The following HSPA6 variants were observed in gnomAD, a reference collection of about 807,000 sequenced individuals.
HSPA6 encodes heat shock 70 kDa protein 6.
For synonymous variants in HSPA6, 312 were observed against 368.2 expected (o/e 0.85, Z 1.75); for missense variants, 718 against 860.9 (o/e 0.83, Z 2.08).
Position 161,526,567 on chromosome 1 carries a change from C to T in HSPA6, c.1909C>T (p.Pro637Ser), listed in dbSNP as rs1676708629. 6.4e-7 allele frequency: 1 copy of T among 1,553,110 alleles called. No individual in the cohort carries two copies. The highest frequency in any genetic ancestry group is 1.4e-5 in the African/African-American group (1 of 72,908). The change falls in exon 1 of 1, where the codon CCC becomes TCC. Residue 637 changes from proline to serine, a missense_variant. Pro to Ser is a moderately conservative substitution (Grantham distance 74, BLOSUM62 -1). Coordinates refer to ENST00000309758, the MANE Select transcript of HSPA6 (RefSeq NM_002155.5). ...QARQGDPSTG[P>S]IIEEVD ...CCGCCAGGGGGACCCCAGCACCGGC[C>T]CCATCATTGAGGAGGTTGATTGAAT...
Position 161,525,105 on chromosome 1 carries a change from C to T in HSPA6, c.447C>T (p.Pro149=), listed in dbSNP as rs1320440689. The T allele has an allele frequency of 2.5e-6, 4 of 1,613,712 alleles. No individual in the cohort carries two copies. The highest frequency in any genetic ancestry group is 2.2e-5 in the South Asian group (2 of 91,036). Reference sequence around the variant, plus strand: ...TGAAGCACGCAGTGATCACCGTGCCCGCCTATTTCAATGACTCGCAGCGCC... The same window carrying T: ...TGAAGCACGCAGTGATCACCGTGCCTGCCTATTTCAATGACTCGCAGCGCC... The part of the protein sequence containing the change: ...QPVKHAVITV[P]AYFNDSQRQA... Residue 149 remains proline (P), a synonymous_variant, in exon 1 of 1, where the codon CCC becomes CCT. Transcript: ENST00000309758.
rs1325958650 is a variant in HSPA6, at chr1:161,525,035, T to C, written c.377T>C (p.Leu126Pro). 1.1e-5 allele frequency: 17 copies of C among 1,612,850 alleles called. 1 individual carries two copies. Among genetic ancestry groups the C allele is most frequent in the Non-Finnish European group, 1.4e-5 (17 of 1,179,762 alleles). The change falls in exon 1 of 1, where the codon CTG (leucine) becomes CCG (proline). Residue 126 changes from leucine to proline, a missense_variant. Leu to Pro is a moderately conservative substitution (Grantham distance 98). Coordinates refer to ENST00000309758, the MANE Select transcript of HSPA6 (RefSeq NM_002155.5). ...FYPEEISSMV[L>P]SKMKETAEAY... is the part of the protein sequence containing the mutation. ...CCCGAGGAGATCTCGTCCATGGTGC[T>C]GAGCAAGATGAAGGAGACGGCCGAG...
At position 161,525,217 on chromosome 1, in the gene HSPA6, C is replaced by T. The variant is rs1676644655; in HGVS notation, c.559C>T (p.Leu187=). 2 of 1,613,924 alleles carry T rather than the reference C, an allele frequency of 1.2e-6. No homozygotes were observed. Among genetic ancestry groups the T allele is most frequent in the African/African-American group, 2.7e-5 (2 of 74,918 alleles). Reference sequence around the variant, plus strand: ...CACGGCAGCTGCCATCGCCTATGGGCTGGACCGGCGGGGCGCGGGAGAGCG... The same window carrying T: ...CACGGCAGCTGCCATCGCCTATGGGTTGGACCGGCGGGGCGCGGGAGAGCG... ...EPTAAAIAYG[L]DRRGAGERNV... Residue 187 remains leucine, a synonymous_variant, in exon 1 of 1, where the codon CTG becomes TTG. Transcript: ENST00000309758.
At position 161,526,351 on chromosome 1, in the gene HSPA6, C is replaced by A. The variant is rs1384313948; in HGVS notation, c.1693C>A (p.Pro565Thr). 1 of 1,603,114 alleles carries A rather than the reference C, an allele frequency of 6.2e-7. No individual in the cohort carries two copies. Among genetic ancestry groups the A allele is most frequent in the Non-Finnish European group, 8.5e-7 (1 of 1,174,276 alleles). The change falls in exon 1 of 1, where the codon CCC becomes ACC. Residue 565 changes from proline (P) to threonine (T), a missense_variant. Physicochemically the swap from Pro to Thr is conservative, Grantham distance 38. Coordinates refer to ENST00000309758, the MANE Select transcript of HSPA6 (RefSeq NM_002155.5). ...LQEESLRDKIPEEDRRKMQDK... is the reference protein window; with the variant it reads ...LQEESLRDKITEEDRRKMQDK... The stretch of plus-strand genomic sequence containing the variant: ...AGAGGAAAGCCTTAGGGACAAGATT[C>A]CCGAAGAGGACAGGCGCAAAATGCA...
At position 161,525,071 on chromosome 1, in the gene HSPA6, G is replaced by T; in HGVS notation, c.413G>T (p.Gly138Val). ...AAGGAGACGGCCGAGGCGTACCTGG[G>T]CCAGCCCGTGAAGCACGCAGTGATC... ...KMKETAEAYLGQPVKHAVITV... is the reference protein window; with the variant it reads ...KMKETAEAYLVQPVKHAVITV... The change falls in exon 1 of 1, where the codon GGC becomes GTC. Residue 138 changes from glycine to valine, a missense_variant. By Grantham distance (109) the Gly-to-Val change is moderately radical. Transcript: ENST00000309758. The T allele has an allele frequency of 3.1e-6, 5 of 1,613,294 alleles. No individual in the cohort carries two copies. Among genetic ancestry groups the T allele is most frequent in the Non-Finnish European group, 4.2e-6 (5 of 1,179,894 alleles).
rs570189 is a variant in HSPA6 at position 161,526,240 on chromosome 1, A to G, written c.1582A>G (p.Lys528Glu). The G allele has an allele frequency of 2.5e-5, 40 of 1,613,622 alleles. 1 individual carries two copies. The highest frequency in any genetic ancestry group is 1.9e-4 in the South Asian group (17 of 91,002). The change falls in exon 1 of 1, where the codon AAG becomes GAG. Residue 528 changes from lysine to glutamate, a missense_variant. Coordinates refer to ENST00000309758, the MANE Select transcript of HSPA6 (RefSeq NM_002155.5). ...GATGGTTCATGAAGCCGAGCAGTACAAGGCTGAGGATGAGGCCCAGAGGGA... is the reference window on the plus strand; with the variant it reads ...GATGGTTCATGAAGCCGAGCAGTACGAGGCTGAGGATGAGGCCCAGAGGGA... Reference protein sequence around the residue: ...ERMVHEAEQYKAEDEAQRDRV... With the variant: ...ERMVHEAEQYEAEDEAQRDRV...
chr1:161,526,399 G>T lies in HSPA6; in HGVS notation c.1741G>T (p.Ala581Ser). 1 of 1,594,646 alleles carries T rather than the reference G, an allele frequency of 6.3e-7. No homozygotes were observed. The highest frequency in any genetic ancestry group is 2.3e-5 in the East Asian group (1 of 43,660). ...GCAAGACAAGTGTCGGGAAGTCCTT[G>T]CCTGGCTGGAGCACAACCAGCTGGC... ...KMQDKCREVL[A>S]WLEHNQLAEK... The change falls in exon 1 of 1, where the codon GCC becomes TCC. Residue 581 changes from alanine (A) to serine (S), a missense_variant. By Grantham distance (99) the Ala-to-Ser change is moderately conservative. Coordinates refer to ENST00000309758, the MANE Select transcript of HSPA6 (RefSeq NM_002155.5).
rs1262263724 is a variant in HSPA6, at chr1:161,526,233, G to A, written c.1575G>A (p.Glu525=). ...EEVERMVHEA[E]QYKAEDEAQR... Reference sequence around the variant, plus strand: ...TGGAGAGGATGGTTCATGAAGCCGAGCAGTACAAGGCTGAGGATGAGGCCC... The same window carrying A: ...TGGAGAGGATGGTTCATGAAGCCGAACAGTACAAGGCTGAGGATGAGGCCC... Residue 525 remains glutamate (E), a synonymous_variant, in exon 1 of 1, where the codon GAG becomes GAA. Coordinates refer to ENST00000309758, the MANE Select transcript of HSPA6 (RefSeq NM_002155.5). 6.2e-7 allele frequency: 1 copy of A among 1,613,798 alleles called. No homozygotes were observed. The highest frequency in any genetic ancestry group is 8.5e-7 in the Non-Finnish European group (1 of 1,179,942).
At position 161,525,802 on chromosome 1, in the gene HSPA6, T is replaced by G. The variant is rs1571998577; in HGVS notation, c.1144T>G (p.Leu382Val). 6.3e-7 allele frequency: 1 copy of G among 1,599,050 alleles called. No homozygotes were observed. Among genetic ancestry groups the G allele is most frequent in the Non-Finnish European group, 8.5e-7 (1 of 1,171,172 alleles). The change falls in exon 1 of 1, where the codon TTG (leucine) becomes GTG (valine). Residue 382 changes from leucine to valine, a missense_variant. Coordinates refer to ENST00000309758, the MANE Select transcript of HSPA6 (RefSeq NM_002155.5). ...AYGAAVQAAV[L>V]MGDKCEKVQD... The stretch of plus-strand genomic sequence containing the variant: ...TGGGGCTGCTGTGCAGGCGGCCGTG[T>G]TGATGGGGGACAAATGTGAGAAAGT...
Position 161,525,227 on chromosome 1 carries a change from G to C in HSPA6, c.569G>C (p.Arg190Pro), listed in dbSNP as rs559715630. ...GCCATCGCCTATGGGCTGGACCGGC[G>C]GGGCGCGGGAGAGCGCAACGTGCTC... is the stretch of plus-strand genomic sequence containing the variant. ...AAAIAYGLDR[R>P]GAGERNVLIF... Residue 190 changes from arginine to proline, a missense_variant, in exon 1 of 1, where the codon CGG (arginine) becomes CCG (proline). Coordinates refer to ENST00000309758, the MANE Select transcript of HSPA6 (RefSeq NM_002155.5). The C allele has an allele frequency of 3.1e-6, 5 of 1,613,988 alleles. No homozygotes were observed. Among genetic ancestry groups the C allele is most frequent in the East Asian group, 4.5e-5 (2 of 44,876 alleles).
chr1:161,524,923 A>C lies in HSPA6; in HGVS notation c.265A>C (p.Met89Leu). The C allele has an allele frequency of 1.2e-6, 2 of 1,613,620 alleles. No homozygotes were observed. Among genetic ancestry groups the C allele is most frequent in the South Asian group, 2.2e-5 (2 of 91,050 alleles). ...KFADTTVQSDMKHWPFRVVSE... is the reference protein window; with the variant it reads ...KFADTTVQSDLKHWPFRVVSE... ...CGCGGACACCACGGTGCAGTCGGAC[A>C]TGAAGCACTGGCCCTTCCGGGTGGT... Residue 89 changes from methionine to leucine, a missense_variant, in exon 1 of 1, where the codon ATG becomes CTG. Transcript: ENST00000309758.
In HSPA6 at chr1:161,525,623, C is replaced by T. The variant is rs948651316; in HGVS notation, c.965C>T (p.Ala322Val). Reference sequence around the variant, plus strand: ...AGCACCCTGGAGCCGGTGGAGAAGGCCCTGCGGGATGCCAAGCTGGACAAG... The same window carrying T: ...AGCACCCTGGAGCCGGTGGAGAAGGTCCTGCGGGATGCCAAGCTGGACAAG... The part of the protein sequence containing the change: ...FRSTLEPVEK[A>V]LRDAKLDKAQ... Residue 322 changes from alanine (A) to valine (V), a missense_variant, in exon 1 of 1, where the codon GCC (alanine) becomes GTC (valine). Transcript: ENST00000309758. 17 of 1,613,674 alleles carry T rather than the reference C, an allele frequency of 1.1e-5. No homozygotes were observed. In the Admixed American group the frequency reaches 1.8e-4, roughly 17 times the overall value.
At position 161,525,959 on chromosome 1, in the gene HSPA6, C is replaced by G. The variant is rs200111192; in HGVS notation, c.1301C>G (p.Ser434Trp). 1.2e-6 allele frequency: 2 copies of G among 1,613,394 alleles called. No homozygotes were observed. Among genetic ancestry groups the G allele is most frequent in the Non-Finnish European group, 1.7e-6 (2 of 1,179,692 alleles). ...TKQTQTFTTY[S>W]DNQPGVFIQV... ...CAGACCCAGACTTTCACCACCTACTCGGACAACCAGCCTGGGGTCTTCATC... is the reference window on the plus strand; with the variant it reads ...CAGACCCAGACTTTCACCACCTACTGGGACAACCAGCCTGGGGTCTTCATC... Residue 434 changes from serine (S) to tryptophan (W), a missense_variant, in exon 1 of 1, where the codon TCG (serine) becomes TGG (tryptophan). Ser to Trp is a radical substitution (Grantham distance 177). Transcript: ENST00000309758.
At position 161,525,298 on chromosome 1, in the gene HSPA6, A is replaced by G; in HGVS notation, c.640A>G (p.Ile214Val). 6.2e-7 allele frequency: 1 copy of G among 1,613,930 alleles called. No homozygotes were observed. The highest frequency in any genetic ancestry group is 1.7e-5 in the Admixed American group (1 of 60,016). The part of the protein sequence containing the change: ...GGTFDVSVLS[I>V]DAGVFEVKAT... ...CACCTTCGATGTGTCGGTTCTCTCCATTGACGCTGGTGTCTTTGAGGTGAA... is the reference window on the plus strand; with the variant it reads ...CACCTTCGATGTGTCGGTTCTCTCCGTTGACGCTGGTGTCTTTGAGGTGAA... Residue 214 changes from isoleucine (I) to valine (V), a missense_variant, in exon 1 of 1, where the codon ATT becomes GTT. By Grantham distance (29) the Ile-to-Val change is conservative (BLOSUM62 3). Transcript: ENST00000309758.
In HSPA6 at chr1:161,524,869, G is replaced by T; in HGVS notation, c.211G>T (p.Asp71Tyr). Residue 71 changes from aspartate (D) to tyrosine (Y), a missense_variant, in exon 1 of 1, where the codon GAT becomes TAT. Asp to Tyr is a radical substitution (Grantham distance 160). Coordinates refer to ENST00000309758, the MANE Select transcript of HSPA6 (RefSeq NM_002155.5). ...AALNPHNTVF[D>Y]AKRLIGRKFA... ...CCTGAACCCCCACAACACCGTGTTCGATGCCAAGCGGCTGATCGGGCGCAA... is the reference window on the plus strand; with the variant it reads ...CCTGAACCCCCACAACACCGTGTTCTATGCCAAGCGGCTGATCGGGCGCAA... 3 of 1,612,458 alleles carry T rather than the reference G, an allele frequency of 1.9e-6. No homozygotes were observed. Among genetic ancestry groups the T allele is most frequent in the Non-Finnish European group, 2.5e-6 (3 of 1,179,576 alleles).
In HSPA6 at chr1:161,526,805, G is replaced by C. The variant is rs1461907993; in HGVS notation, c.*215G>C. 4.3e-6 allele frequency: 2 copies of C among 463,718 alleles called. No individual in the cohort carries two copies. Among genetic ancestry groups the C allele is most frequent in the African/African-American group, 4.0e-5 (2 of 50,278 alleles). The allele number at this position is 463,718 out of a possible 1,614,324, so 28.7% of individuals were successfully genotyped here. On this transcript the variant is annotated 3_prime_UTR_variant, in exon 1 of 1. Transcript: ENST00000309758. Reference sequence around the variant, plus strand: ...TCATTAATTTATTAAAACTTGTGTGGCACTTTAACATTGCTTTCACCTATA... The same window carrying C: ...TCATTAATTTATTAAAACTTGTGTGCCACTTTAACATTGCTTTCACCTATA...
rs1676713041 is a variant in HSPA6, at chr1:161,526,661, A to T, written c.*71A>T. ...TGGGCCTTCTAGACTGTCTTCTATG[A>T]TCCTGCCCTTCAGAGATGAACTTTC... On this transcript the variant is annotated 3_prime_UTR_variant, in exon 1 of 1. Transcript: ENST00000309758. The T allele has an allele frequency of 2.2e-6, 3 of 1,382,804 alleles. No homozygotes were observed. Among genetic ancestry groups the T allele is most frequent in the Admixed American group, 2.5e-5 (1 of 39,424 alleles). The allele number at this position is 1,382,804 out of a possible 1,614,324, so 85.7% of individuals were successfully genotyped here.
Position 161,526,866 on chromosome 1 carries a change from G to C in HSPA6, c.*276G>C, listed in dbSNP as rs1159277260. 3 of 354,232 alleles carry C rather than the reference G, an allele frequency of 8.5e-6. No individual in the cohort carries two copies. In the East Asian group the frequency reaches 1.4e-4, roughly 17 times the overall value. 21.9% of individuals were successfully genotyped at this position (354,232 alleles called of 1,614,324 possible). ...TTTGTTACTTGCATGTATGAATTTTGTTATGTAAAATATAGTTATAGACCT... is the reference window on the plus strand; with the variant it reads ...TTTGTTACTTGCATGTATGAATTTTCTTATGTAAAATATAGTTATAGACCT... On this transcript the variant is annotated 3_prime_UTR_variant, in exon 1 of 1. Coordinates refer to ENST00000309758, the MANE Select transcript of HSPA6 (RefSeq NM_002155.5).
Position 161,525,185 on chromosome 1 carries a change from A to G in HSPA6, c.527A>G (p.Asn176Ser), listed in dbSNP as rs766529695. 38 of 1,613,814 alleles carry G rather than the reference A, an allele frequency of 2.4e-5. No individual in the cohort carries two copies. Among genetic ancestry groups the G allele is most frequent in the African/African-American group, 4.0e-5 (3 of 74,890 alleles). ...GGGCTCAACGTGTTGCGGATCATCA[A>G]TGAGCCCACGGCAGCTGCCATCGCC... ...IAGLNVLRII[N>S]EPTAAAIAYG... is the part of the protein sequence containing the mutation. Residue 176 changes from asparagine (N) to serine (S), a missense_variant, in exon 1 of 1, where the codon AAT becomes AGT. Coordinates refer to ENST00000309758, the MANE Select transcript of HSPA6 (RefSeq NM_002155.5).
Sources: allele counts gnomAD v4.1 joint callset, GRCh38; gene constraint gnomAD v4.1.1; transcripts MANE v1.5; gene names NCBI Gene and HGNC (gene_info 2026-07-23, HGNC 2026-07-21).